LYPD6: variants seen among roughly 807,000 people sequenced by gnomAD.
The protein encoded by LYPD6 is LY6/PLAUR domain containing 6.
A neutral mutation model predicts 22.7 loss-of-function variants in LYPD6; 15 were observed. The ratio of observed to expected loss-of-function variants is 0.66; its 90% CI spans 0.44 to 1.02. The LOEUF (loss-of-function observed/expected upper bound fraction) is 1.02, where lower values mean the gene tolerates loss of function less well. LYPD6 is among the 50% of genes least tolerant of loss of function. LYPD6 has a pLI of 0.00. For synonymous variants in LYPD6, 72 were observed against 77.5 expected, an observed-to-expected ratio of 0.93 and a Z score of 0.37; for missense variants, 189 against 208.4, an observed-to-expected ratio of 0.91 and a Z score of 0.57.
intron 3 of LYPD6, among the ~76,000 whole-genome samples, chr2:149,455,921 GTC>G (rs1172906333): frequency 3.3e-5 from 5 of 152,206 alleles, no homozygotes; most frequent in Non-Finnish European, 5.9e-5. Context: ...AAATAGGGAA[GTC>G]TCCATTTGGC....
chr2:149,377,806 A>G (rs1256255683), intron 1 of LYPD6, among the ~76,000 whole-genome samples: 1 of 94,492 alleles, frequency 1.1e-5, no homozygotes, highest in African/African-American at 3.9e-5. Context: ...CCCCCAAAAA[A>G]GCAAGGGAAA....
chr2:149,435,273 C>T (rs551769975), intron 1 of LYPD6, among the ~76,000 whole-genome samples: 27 of 152,336 alleles, frequency 1.8e-4, no homozygotes, highest in South Asian at 4.1e-4. Context: ...TATTTTGTTA[C>T]GGCAGCCTGG....
chr2:149,381,910 C>T (rs373421468), intron 1 of LYPD6, among the ~76,000 whole-genome samples: 31 of 152,244 alleles, frequency 2.0e-4, no homozygotes, highest in African/African-American at 7.0e-4. Context: ...ACTGTTAATT[C>T]GTGATGATTT....
At chr2:149,479,962 G>A in the LYPD6 span, among the ~76,000 whole-genome samples, 1 of 150,992 alleles carries the variant, frequency 6.6e-6, no homozygotes, top group African/African-American at 2.4e-5. Context: ...CCTCACACCT[G>A]TTACATGCCC....
At chr2:149,465,496 C>A (rs2105179159) in intron 3 of LYPD6, among the ~76,000 whole-genome samples, 1 of 152,286 alleles carries the variant, frequency 6.6e-6, no homozygotes, top group South Asian at 2.1e-4. Context: ...GAAAATTATT[C>A]TCTAGCATCA....
intron 1 of LYPD6, among the ~76,000 whole-genome samples, chr2:149,377,800 CA>C (rs1681962588): frequency 3.0e-5 from 4 of 135,062 alleles, no homozygotes; most frequent in African/African-American, 1.1e-4. Flanking sequence ...CCCACCCCCC[CA>C]AAAAAGCAAG....
At chr2:149,448,572 C>A (rs1387115622) in intron 2 of LYPD6, among the ~76,000 whole-genome samples, 1 of 151,946 alleles carries the variant, frequency 6.6e-6, no homozygotes, top group South Asian at 2.1e-4. Flanking sequence ...CCATCCCTAA[C>A]CCCTGACAAC....
the LYPD6 span, among the ~76,000 whole-genome samples, chr2:149,485,363 C>T: frequency 6.6e-6 from 1 of 152,232 alleles, no homozygotes; most frequent in Admixed American, 6.5e-5. Flanking sequence ...CAATTTAGTA[C>T]ACCTGTTGAG....
intron 1 of LYPD6, among the ~76,000 whole-genome samples, chr2:149,415,286 C>T (rs776999681): frequency 6.6e-6 from 1 of 152,134 alleles, no homozygotes; most frequent in Non-Finnish European, 1.5e-5. Context: ...CAACTCTCGT[C>T]CTTAGACTGG....
Position 149,470,546 on chromosome 2 carries a change from G to A in LYPD6, c.349-137G>A, listed in dbSNP as rs111761724. 88 of 680,554 alleles carry A rather than the reference G, an allele frequency of 1.3e-4. 1 individual carries two copies. The Middle Eastern group carries it at 2.9e-3, about 23-fold the overall frequency. 42.2% of individuals were successfully genotyped at this position (680,554 alleles called of 1,614,324 possible). ...AATATTATCCCCAGCCTTCCTGAAC[G>A]TAGAGTTGGCATCTCCTTTATAGAT... On this transcript the variant is annotated intron_variant, in intron 4 of 4. Transcript: ENST00000334166.
rs536796043 is a variant in LYPD6 at position 149,437,649 on chromosome 2, C to G, written c.-60C>G. On this transcript the variant is annotated 5_prime_UTR_variant, in exon 2 of 5. Transcript: ENST00000334166. ...TCTTCATTTTTCAGGTGCAAGTTCTCTCCTGTTGCCCTGAGTGCCCACTCC... is the reference window on the plus strand; with the variant it reads ...TCTTCATTTTTCAGGTGCAAGTTCTGTCCTGTTGCCCTGAGTGCCCACTCC... 1.2e-6 allele frequency: 2 copies of G among 1,601,240 alleles called. No individual in the cohort carries two copies. Among genetic ancestry groups the G allele is most frequent in the East Asian group, 4.5e-5 (2 of 44,566 alleles).
chr2:149,463,977 G>T (rs1184679221), intron 3 of LYPD6, among the ~76,000 whole-genome samples: 1 of 152,022 alleles, frequency 6.6e-6, no homozygotes, highest in Non-Finnish European at 1.5e-5. Context: ...CAATATCACA[G>T]TTGTGATATT....
chr2:149,470,541 T>C lies in LYPD6; in HGVS notation c.349-142T>C, dbSNP rs1461663681. 16 of 666,494 alleles carry C rather than the reference T, an allele frequency of 2.4e-5. No homozygotes were observed. The African/African-American group carries it at 2.7e-4, about 11-fold the overall frequency. 41.3% of individuals were successfully genotyped at this position (666,494 alleles called of 1,614,324 possible). A position where few individuals can be genotyped will look rare whatever the true frequency, so the allele number is the denominator to read the frequency against. ...GAAGAAATATTATCCCCAGCCTTCC[T>C]GAACGTAGAGTTGGCATCTCCTTTA... On this transcript the variant is annotated intron_variant, in intron 4 of 4. Transcript: ENST00000334166.
intron 1 of LYPD6, among the ~76,000 whole-genome samples, chr2:149,385,259 T>A (rs993089734): frequency 4.6e-5 from 7 of 152,272 alleles, no homozygotes; most frequent in Middle Eastern, 3.4e-3. Context: ...AGCCTACCCA[T>A]CTCAGAGACC....
chr2:149,403,674 T>C (rs1203680076), intron 1 of LYPD6, among the ~76,000 whole-genome samples: 3 of 151,606 alleles, frequency 2.0e-5, no homozygotes, highest in East Asian at 1.9e-4. Flanking sequence ...TTCTCCCATT[T>C]TGTAGGTTGC....
intron 1 of LYPD6, among the ~76,000 whole-genome samples, chr2:149,335,126 ACTC>A (rs1341567399): frequency 6.6e-6 from 1 of 151,388 alleles, no homozygotes; most frequent in East Asian, 1.9e-4. Context: ...CTTAGAGAGA[ACTC>A]CTACTTATTT....
chr2:149,402,926 T>C (rs1298796462), intron 1 of LYPD6, among the ~76,000 whole-genome samples: 1 of 138,368 alleles, frequency 7.2e-6, no homozygotes, highest in Non-Finnish European at 1.5e-5. Context: ...TTCCCCTTCC[T>C]GTGTCCATGT....
At chr2:149,379,930 G>A (rs1682021661) in intron 1 of LYPD6, among the ~76,000 whole-genome samples, 1 of 151,396 alleles carries the variant, frequency 6.6e-6, no homozygotes, top group Admixed American at 6.6e-5. Context: ...ATATCAGAAG[G>A]TGAGAGAGAA....
intron 1 of LYPD6, among the ~76,000 whole-genome samples, chr2:149,338,544 A>G (rs183019703): frequency 5.1e-4 from 78 of 152,236 alleles, no homozygotes; most frequent in Non-Finnish European, 1.0e-3. Flanking sequence ...GGTTGAAAGG[A>G]GCTCCCTTGT....
Sources: gnomAD v4.1 joint callset for allele counts (sites outside exome capture counted in the v4.1 genomes callset) on GRCh38, gnomAD v4.1.1 for gene constraint, MANE v1.5 for transcripts, NCBI Gene and HGNC (gene_info 2026-07-23, HGNC 2026-07-21) for gene names.